The following ADAMTS17 variants were observed in gnomAD, a reference collection of about 807,000 sequenced individuals.
ADAMTS17 encodes the protein ADAM metallopeptidase with thrombospondin type 1 motif 17.
In ADAMTS17, 113 loss-of-function variants were observed where a neutral mutation model predicts 141.5. The observed-to-expected ratio is 0.80, with a 90% confidence interval of 0.69 to 0.93. The LOEUF (loss-of-function observed/expected upper bound fraction) is 0.93, where lower values mean the gene tolerates loss of function less well. Ranked by LOEUF, ADAMTS17 falls within the 40% of genes least tolerant of loss-of-function variation. ADAMTS17 has a pLI of 0.00. For missense variants in ADAMTS17, 1,659 were observed against 1,517.9 expected (o/e 1.09, Z -1.54); for synonymous variants, 768 against 630.6 (o/e 1.22, Z -3.27).
At chr15:100,184,615 G>C in intron 8 of ADAMTS17, among the ~76,000 whole-genome samples, 1 of 152,140 alleles carries the variant, frequency 6.6e-6, no homozygotes, top group Non-Finnish European at 1.5e-5. Context: ...CCAGACCCTG[G>C]CTACACATTT....
chr15:100,315,661 C>G (rs1265374465), intron 3 of ADAMTS17, among the ~76,000 whole-genome samples: 1 of 152,104 alleles, frequency 6.6e-6, no homozygotes, highest in East Asian at 1.9e-4. Flanking sequence ...CACAATGAGA[C>G]CCCTGCGTCC....
At chr15:100,293,876 A>T in intron 3 of ADAMTS17, among the ~76,000 whole-genome samples, 1 of 152,218 alleles carries the variant, frequency 6.6e-6, no homozygotes, top group Admixed American at 6.5e-5. Flanking sequence ...CAGTTTTAGG[A>T]AACTTAACAT....
intron 18 of ADAMTS17, among the ~76,000 whole-genome samples, chr15:100,039,544 G>A (rs1291413357): frequency 6.6e-6 from 1 of 152,088 alleles, no homozygotes; most frequent in Non-Finnish European, 1.5e-5. Flanking sequence ...ATGTACTTAT[G>A]AGTTTCTTAA....
At chr15:100,001,313 T>C (rs1336862923) in intron 18 of ADAMTS17, among the ~76,000 whole-genome samples, 14 of 151,994 alleles carry the variant, frequency 9.2e-5, no homozygotes, top group Admixed American at 9.2e-4. Flanking sequence ...GTGTCATTTC[T>C]TTCTTTGCTC....
intron 8 of ADAMTS17, among the ~76,000 whole-genome samples, chr15:100,192,914 T>G (rs894227318): frequency 6.6e-6 from 1 of 151,260 alleles, no homozygotes; most frequent in Admixed American, 6.6e-5. Flanking sequence ...CCACTGCCCA[T>G]GGGCCACACT....
In ADAMTS17 at chr15:100,336,087, C is replaced by T. The variant is rs1020418951; in HGVS notation, c.450+4952G>A. Among the ~76,000 whole-genome samples, 4 of 152,226 alleles carry T rather than the reference C, an allele frequency of 2.6e-5. No individual in the cohort carries two copies. In the East Asian group the frequency reaches 5.8e-4, roughly 22 times the overall value. ...GTCAAAGAAGACTGCTTCACTTCAT[C>T]GTCCCATCTTTTACTTCTTTTTCGT... On this transcript the variant is annotated intron_variant, in intron 2 of 21. Transcript: ENST00000268070.
chr15:100,092,998 C>G (rs1011184437), intron 15 of ADAMTS17, among the ~76,000 whole-genome samples: 1 of 152,236 alleles, frequency 6.6e-6, no homozygotes, highest in African/African-American at 2.4e-5. Flanking sequence ...TCAGATAACT[C>G]AGCTGTCTTG....
chr15:100,125,140 G>A lies in ADAMTS17; in HGVS notation c.1721+6867C>T, dbSNP rs184746292. Among the ~76,000 whole-genome samples the A allele has an allele frequency of 4.2e-4, 64 of 152,278 alleles. No individual in the cohort carries two copies. The South Asian group carries it at 0.013, about 31-fold the overall frequency. Reference sequence around the variant, plus strand: ...TGGCAGTTCTGGTCCCTGCCCTGGCGGCCCCTGGCTCTGTGAGCTCTGAGA... The same window carrying A: ...TGGCAGTTCTGGTCCCTGCCCTGGCAGCCCCTGGCTCTGTGAGCTCTGAGA... On this transcript the variant is annotated intron_variant, in intron 12 of 21. Coordinates refer to ENST00000268070, the MANE Select transcript of ADAMTS17 (RefSeq NM_139057.4).
chr15:100,107,660 AAG>A (rs2036491360), intron 14 of ADAMTS17, among the ~76,000 whole-genome samples: 1 of 152,034 alleles, frequency 6.6e-6, no homozygotes. Context: ...GCCCCCATAA[AAG>A]AGACTCACAA....
chr15:100,079,504 T>C (rs967930707), intron 15 of ADAMTS17, among the ~76,000 whole-genome samples: 29 of 152,334 alleles, frequency 1.9e-4, no homozygotes, highest in African/African-American at 7.0e-4. Context: ...AATTTGTAGA[T>C]ACAGACATTA....
chr15:100,161,882 G>A (rs537899548), intron 8 of ADAMTS17, among the ~76,000 whole-genome samples: 2 of 152,310 alleles, frequency 1.3e-5, no homozygotes, highest in East Asian at 1.9e-4. Flanking sequence ...CTCTCACTGC[G>A]GAGAAGGTAT....
intron 8 of ADAMTS17, among the ~76,000 whole-genome samples, chr15:100,156,940 G>T (rs994005813): frequency 6.6e-6 from 1 of 152,224 alleles, no homozygotes; most frequent in Non-Finnish European, 1.5e-5. Flanking sequence ...TTTCACACTT[G>T]AAACTGGGCA....
chr15:100,194,375 C>T (rs917799811), intron 8 of ADAMTS17, among the ~76,000 whole-genome samples: 1 of 152,196 alleles, frequency 6.6e-6, no homozygotes, highest in Non-Finnish European at 1.5e-5. Context: ...GACACACTTC[C>T]CTCGAAACAC....
intron 15 of ADAMTS17, among the ~76,000 whole-genome samples, chr15:100,066,690 T>G (rs911182003): frequency 1.3e-5 from 2 of 152,238 alleles, no homozygotes; most frequent in African/African-American, 4.8e-5. Context: ...TCTTCCCTTA[T>G]GATACAGAGA....
At chr15:100,152,879 T>G in intron 9 of ADAMTS17, 117 bp from the exon 10 acceptor site, 1 of 1,182,522 alleles carries the variant, frequency 8.5e-7, no homozygotes, top group Non-Finnish European at 1.1e-6. Context: ...CCACGTTCCT[T>G]ATGGAAAAAG....
chr15:100,039,105 T>C (rs2727136), intron 18 of ADAMTS17, among the ~76,000 whole-genome samples: 7,018 of 152,294 alleles, frequency 0.046, 329 homozygotes, highest in African/African-American at 0.12. Flanking sequence ...ATTCCTGCTT[T>C]CGTTCTTTAA....
chr15:100,288,694 GA>G, intron 3 of ADAMTS17, among the ~76,000 whole-genome samples: 1 of 152,190 alleles, frequency 6.6e-6, no homozygotes, highest in Non-Finnish European at 1.5e-5. Flanking sequence ...AATAAAAATA[GA>G]AATCAATACT....
intron 8 of ADAMTS17, among the ~76,000 whole-genome samples, chr15:100,180,941 C>G (rs2040502249): frequency 6.6e-6 from 1 of 152,210 alleles, no homozygotes; most frequent in South Asian, 2.1e-4. Flanking sequence ...TCCAGAGACA[C>G]TGTCCAAGAG....
At chr15:100,067,886 G>A (rs534849671) in intron 15 of ADAMTS17, among the ~76,000 whole-genome samples, 1 of 152,276 alleles carries the variant, frequency 6.6e-6, no homozygotes, top group East Asian at 1.9e-4. Context: ...ATCTCACTGG[G>A]GAGTGTCGGA....
Sources: gnomAD v4.1 joint callset for allele counts (sites outside exome capture counted in the v4.1 genomes callset) on GRCh38, gnomAD v4.1.1 for gene constraint, MANE v1.5 for transcripts, NCBI Gene and HGNC (gene_info 2026-07-23, HGNC 2026-07-21) for gene names.